ZMAT1: variants seen among roughly 807,000 people sequenced by gnomAD.
ZMAT1 encodes the protein zinc finger matrin-type protein 1.
In ZMAT1, 11 loss-of-function variants were observed where a neutral mutation model predicts 18.5. The observed-to-expected ratio is 0.59, with a 90% CI of 0.37 to 0.98. ZMAT1 has a LOEUF of 0.98. Ranked by LOEUF, ZMAT1 falls within the 50% of genes least tolerant of loss-of-function variation. The probability of loss-of-function intolerance (pLI) is 0.01; values close to 1 mark genes in which losing one functional copy is unlikely to be tolerated. For missense variants in ZMAT1, 525 were observed against 496.2 expected, an observed-to-expected ratio of 1.06 and a Z score of -0.55; for synonymous variants, 211 against 176.4, an observed-to-expected ratio of 1.20 and a Z score of -1.55.
rs767870032 is a variant in ZMAT1 at position 101,883,392 on chromosome X, C to T, written c.*118G>A. On this transcript the variant is annotated 3_prime_UTR_variant, in exon 6 of 6. Transcript: ENST00000651725. ...TTTTATACAAAAAAAACCTAAGTGT[C>T]CTGAAGTGACACTGACTGTATCTAC... 1.3e-5 allele frequency: 7 copies of T among 521,231 alleles called. No homozygotes were observed. Among genetic ancestry groups the T allele is most frequent in the African/African-American group, 7.4e-5 (3 of 40,368 alleles). 43.0% of individuals were successfully genotyped at this position (521,231 alleles called of 1,213,427 possible). A position where few individuals can be genotyped will look rare whatever the true frequency, so the allele number is the denominator to read the frequency against.
chrX:101,912,999 A>G (rs1929064813), intron 1 of ZMAT1, among the ~76,000 whole-genome samples: 1 of 111,587 alleles, frequency 9.0e-6, no homozygotes, highest in Non-Finnish European at 1.9e-5. Flanking sequence ...TCATCTTATA[A>G]GCAATAGCAA....
intron 1 of ZMAT1, among the ~76,000 whole-genome samples, chrX:101,922,252 T>C (rs1929778070): frequency 8.9e-6 from 1 of 111,746 alleles, no homozygotes; most frequent in Non-Finnish European, 1.9e-5. Flanking sequence ...AATTTGATGA[T>C]GTCCACTTTC....
At chrX:101,920,381 C>G (rs1287192538) in intron 1 of ZMAT1, among the ~76,000 whole-genome samples, 2 of 111,600 alleles carry the variant, frequency 1.8e-5, no homozygotes, top group Non-Finnish European at 3.8e-5. Context: ...AATGTTGTTC[C>G]TGATGCAGGA....
chrX:101,893,025 A>G (rs945970758), intron 4 of ZMAT1, among the ~76,000 whole-genome samples: 1 of 111,858 alleles, frequency 8.9e-6, no homozygotes, highest in African/African-American at 3.2e-5. Context: ...TACTGCTCTC[A>G]AAATGAAAGA....
At position 101,902,357 on chromosome X, in the gene ZMAT1, A is replaced by C. The variant is rs1028039163; in HGVS notation, c.399+1867T>G. On this transcript the variant is annotated intron_variant, in intron 2 of 5. Transcript: ENST00000651725. ...GAATCCTTCGTTAGTTATATAGGTT[A>C]TAGATATCAACTAATGTGTGGCATA... Among the ~76,000 whole-genome samples, 9 of 111,761 alleles carry C rather than the reference A, an allele frequency of 8.1e-5. No homozygotes were observed. The Admixed American group carries it at 8.6e-4, about 11-fold the overall frequency.
intron 1 of ZMAT1, among the ~76,000 whole-genome samples, chrX:101,919,767 A>G (rs991179018): frequency 3.6e-5 from 4 of 111,637 alleles, no homozygotes; most frequent in South Asian, 3.7e-4. Context: ...AGGGGAGGCA[A>G]GAGTATGAAG....
chrX:101,931,886 C>T lies in ZMAT1; in HGVS notation c.123G>A (p.Ala41=). The change falls in exon 1 of 6, where the codon GCG becomes GCA. Residue 41 remains alanine (A), a synonymous_variant. Transcript: ENST00000651725. ...AGGCAGGAACAATTACTGCCGCCGC[C>T]GCCGCCGCCGCCGCCGCTGCCGCGC... is the stretch of plus-strand genomic sequence containing the variant. The part of the protein sequence containing the change: ...TACAAAAAAA[A]AAAVIVPASS... 1.3e-6 allele frequency: 1 copy of T among 795,810 alleles called. No individual in the cohort carries two copies. The allele number at this position is 795,810 out of a possible 1,213,427, so 65.6% of individuals were successfully genotyped here.
intron 4 of ZMAT1, among the ~76,000 whole-genome samples, chrX:101,897,567 CT>C (rs1235005426): frequency 1.1e-5 from 1 of 92,651 alleles, no homozygotes; most frequent in Non-Finnish European, 2.2e-5. Context: ...AAAAAAGAAA[CT>C]GACAAAGCTC....
intron 1 of ZMAT1, among the ~76,000 whole-genome samples, chrX:101,927,751 A>G (rs1291376714): frequency 8.9e-6 from 1 of 111,980 alleles, no homozygotes; most frequent in Admixed American, 9.5e-5. Flanking sequence ...CACCAAATAC[A>G]TGGCATTCAT....
intron 1 of ZMAT1, among the ~76,000 whole-genome samples, chrX:101,914,403 AAAAGC>A (rs1929166063): frequency 9.0e-6 from 1 of 111,620 alleles, no homozygotes; most frequent in Admixed American, 9.5e-5. Context: ...CAATGAAACA[AAAAGC>A]TGGGTTTTTT....
chrX:101,911,405 G>A (rs1393381804), intron 1 of ZMAT1: 1 of 377,681 alleles, frequency 2.6e-6, no homozygotes, highest in East Asian at 4.7e-5. Flanking sequence ...CTATAACAGA[G>A]GTGTATAAAC....
chrX:101,920,042 A>ATT (rs1929617271), intron 1 of ZMAT1, among the ~76,000 whole-genome samples: 1 of 16,133 alleles, frequency 6.2e-5, no homozygotes, highest in Admixed American at 1.1e-3. Flanking sequence ...GATTTATTAC[A>ATT]CTTTTTTTTT....
chrX:101,920,128 C>T (rs1426953718), intron 1 of ZMAT1, among the ~76,000 whole-genome samples: 2 of 109,315 alleles, frequency 1.8e-5, no homozygotes, highest in Admixed American at 9.8e-5. Flanking sequence ...CAGCCTCCCC[C>T]TCCTGGGCTA....
chrX:101,918,507 G>A (rs1929506136), intron 1 of ZMAT1: 1 of 107,275 alleles, frequency 9.3e-6, no homozygotes, highest in African/African-American at 3.4e-5. Context: ...GCGTGGTGGT[G>A]CGCACCTGTA....
intron 1 of ZMAT1, among the ~76,000 whole-genome samples, chrX:101,904,823 G>A (rs182106334): frequency 7.7e-4 from 85 of 111,035 alleles, no homozygotes; most frequent in African/African-American, 2.7e-3. Context: ...GGTGGCATGC[G>A]CCTGTGGTCC....
rs182729977 is a variant in ZMAT1, at chrX:101,919,702, G to A, written c.292+12015C>T. ...TTCTGGAGTAGAACTGATTTTGAAC[G>A]AAACTTTAAAAGATATGTAAAATTC... On this transcript the variant is annotated intron_variant, in intron 1 of 5. Coordinates refer to ENST00000651725, the MANE Select transcript of ZMAT1 (RefSeq NM_001394560.1). Among the ~76,000 whole-genome samples, 470 of 111,723 alleles carry A rather than the reference G, an allele frequency of 4.2e-3. 1 individual carries two copies. Among genetic ancestry groups the A allele is most frequent in the Non-Finnish European group, 6.8e-3 (360 of 53,148 alleles).
intron 1 of ZMAT1, among the ~76,000 whole-genome samples, chrX:101,914,114 A>G (rs1455752027): frequency 9.0e-6 from 1 of 111,693 alleles, no homozygotes; most frequent in Non-Finnish European, 1.9e-5. Flanking sequence ...GAAGAAATTA[A>G]GAAGGATATT....
intron 4 of ZMAT1, chrX:101,894,998 C>T (rs753632554): frequency 4.0e-4 from 167 of 418,514 alleles, no homozygotes; most frequent in Non-Finnish European, 4.8e-4. Context: ...GAATTCTTGC[C>T]ACTCTTAGCT....
chrX:101,922,035 TTTTTA>T (rs1683108919), intron 1 of ZMAT1, among the ~76,000 whole-genome samples: 4 of 111,432 alleles, frequency 3.6e-5, no homozygotes, highest in South Asian at 3.8e-4. Flanking sequence ...ATACTTATAT[TTTTTA>T]TTTTAAGTTT....
Sources: allele counts gnomAD v4.1 joint callset (sites outside exome capture counted in the v4.1 genomes callset), GRCh38; gene constraint gnomAD v4.1.1; transcripts MANE v1.5; gene names NCBI Gene and HGNC (gene_info 2026-07-23, HGNC 2026-07-21).